SYNDIG1: variants seen among roughly 807,000 people sequenced by gnomAD.
The protein encoded by SYNDIG1 is synapse differentiation-inducing gene protein 1.
In SYNDIG1, 9 loss-of-function variants were observed where a neutral mutation model predicts 19.4. That is an observed-to-expected ratio of 0.46 (90% CI 0.28 to 0.81). The LOEUF is 0.81. Among genes scored for constraint, SYNDIG1 ranks in the 30% least tolerant of loss-of-function variants. The pLI is 0.12. For missense variants in SYNDIG1, 311 were observed against 343.3 expected (o/e 0.91, Z 0.74); for synonymous variants, 141 against 145.9 (o/e 0.97, Z 0.24).
At chr20:24,515,452 C>T (rs1308597155) in intron 1 of SYNDIG1, among the ~76,000 whole-genome samples, 1 of 151,940 alleles carries the variant, frequency 6.6e-6, no homozygotes, top group East Asian at 1.9e-4. Context: ...TCATCTCAGC[C>T]CAAAATCTCC....
At position 24,600,823 on chromosome 20, in the gene SYNDIG1, C is replaced by T. The variant is rs552415708; in HGVS notation, c.618+15830C>T. ...AAAGACGGAGTTTCACCATGTTGGC[C>T]AGGCTGGTCTTGAACTCCTGACCTC... is the stretch of plus-strand genomic sequence containing the variant. On this transcript the variant is annotated intron_variant, in intron 3 of 3. Coordinates refer to ENST00000376862, the MANE Select transcript of SYNDIG1 (RefSeq NM_024893.3). Among the ~76,000 whole-genome samples the T allele has an allele frequency of 2.3e-4, 35 of 152,218 alleles. 2 individuals carry two copies. The South Asian group carries it at 7.0e-3, about 31-fold the overall frequency.
Position 24,603,606 on chromosome 20 carries a change from A to T in SYNDIG1, c.618+18613A>T, listed in dbSNP as rs1033207680. 7.2e-5 allele frequency among the ~76,000 whole-genome samples: 11 copies of T among 152,290 alleles called. No homozygotes were observed. In the South Asian group the frequency reaches 2.1e-3, roughly 29 times the overall value. ...GGACACACGCCTGGGATGGCAGCGG[A>T]GGGTCAGAAGCCCTGAGTGCAAAGC... On this transcript the variant is annotated intron_variant, in intron 3 of 3. Transcript: ENST00000376862.
intron 3 of SYNDIG1, among the ~76,000 whole-genome samples, chr20:24,600,069 T>C (rs995031193): frequency 6.6e-6 from 1 of 152,236 alleles, no homozygotes; most frequent in Non-Finnish European, 1.5e-5. Context: ...AAAGTTATGC[T>C]ACAGTATACA....
At chr20:24,630,259 G>A (rs1277161314) in intron 3 of SYNDIG1, among the ~76,000 whole-genome samples, 3 of 152,138 alleles carry the variant, frequency 2.0e-5, no homozygotes, top group Admixed American at 6.5e-5. Context: ...GGAGTGGTCC[G>A]TGTTAAACAT....
intron 3 of SYNDIG1, among the ~76,000 whole-genome samples, chr20:24,592,489 A>G (rs1568668699): frequency 1.3e-5 from 2 of 152,184 alleles, no homozygotes; most frequent in African/African-American, 2.4e-5. Context: ...AGATCCAAAC[A>G]ATGCCAGCAG....
chr20:24,553,578 A>C (rs1268079884), intron 2 of SYNDIG1, among the ~76,000 whole-genome samples: 5 of 152,262 alleles, frequency 3.3e-5, no homozygotes, highest in South Asian at 2.1e-4. Flanking sequence ...ATCCTTCCCC[A>C]TTGCTTGTTT....
intron 3 of SYNDIG1, among the ~76,000 whole-genome samples, chr20:24,656,508 T>G (rs1181613512): frequency 2.0e-5 from 3 of 152,114 alleles, no homozygotes; most frequent in African/African-American, 7.2e-5. Flanking sequence ...TTGCAGAAGG[T>G]GGGCTGCTGG....
At chr20:24,539,309 C>T (rs377360092) in intron 1 of SYNDIG1, among the ~76,000 whole-genome samples, 1 of 152,098 alleles carries the variant, frequency 6.6e-6, no homozygotes, top group African/African-American at 2.4e-5. Flanking sequence ...CATTCTTTTG[C>T]ATGTGGATAT....
At chr20:24,633,674 T>C (rs1027988262) in intron 3 of SYNDIG1, among the ~76,000 whole-genome samples, 6 of 152,148 alleles carry the variant, frequency 3.9e-5, no homozygotes, top group African/African-American at 1.4e-4. Context: ...TCGTGAAGTC[T>C]CGTCAGCTCC....
chr20:24,469,955 T>G (rs1333817410), intron 1 of SYNDIG1, among the ~76,000 whole-genome samples: 11 of 148,986 alleles, frequency 7.4e-5, no homozygotes, highest in African/African-American at 2.5e-4. Flanking sequence ...GCGACGAGAC[T>G]TGGGAGACAC....
At chr20:24,625,208 G>GA (rs1347675719) in intron 3 of SYNDIG1, among the ~76,000 whole-genome samples, 1 of 151,988 alleles carries the variant, frequency 6.6e-6, no homozygotes. Context: ...TTATAAACGG[G>GA]AAAAATGTAG....
chr20:24,497,110 A>T (rs975123859), intron 1 of SYNDIG1, among the ~76,000 whole-genome samples: 1 of 152,216 alleles, frequency 6.6e-6, no homozygotes, highest in Non-Finnish European at 1.5e-5. Context: ...TTGAAATGAG[A>T]TGATTGATGT....
chr20:24,480,686 G>A (rs1192260305), intron 1 of SYNDIG1, among the ~76,000 whole-genome samples: 1 of 152,212 alleles, frequency 6.6e-6, no homozygotes, highest in Non-Finnish European at 1.5e-5. Context: ...CATTTTGATA[G>A]TAACATTATT....
chr20:24,627,586 C>G (rs1409146164), intron 3 of SYNDIG1, among the ~76,000 whole-genome samples: 1 of 152,234 alleles, frequency 6.6e-6, no homozygotes, highest in Non-Finnish European at 1.5e-5. Flanking sequence ...AAACATTCTC[C>G]GTAGTGCATC....
intron 2 of SYNDIG1, among the ~76,000 whole-genome samples, chr20:24,580,321 A>G (rs1217068458): frequency 6.6e-6 from 1 of 151,868 alleles, no homozygotes; most frequent in East Asian, 1.9e-4. Flanking sequence ...AACCATTTAT[A>G]CTCCAGAACA....
rs907416768 is a variant in SYNDIG1 at position 24,658,417 on chromosome 20, T to A, written c.619-6929T>A. Among the ~76,000 whole-genome samples, 1 of 151,934 alleles carries A rather than the reference T, an allele frequency of 6.6e-6. No individual in the cohort carries two copies. Among genetic ancestry groups the A allele is most frequent in the African/African-American group, 2.4e-5 (1 of 41,358 alleles). The stretch of plus-strand genomic sequence containing the variant: ...GCCGGTGCTCCTCCCCGTGACAGAT[T>A]CCACACAGGAGCTGCAGGCCGTGGA... On this transcript the variant is annotated intron_variant, in intron 3 of 3. Coordinates refer to ENST00000376862, the MANE Select transcript of SYNDIG1 (RefSeq NM_024893.3). This position sits in a 1 kb window ranked among gnomAD's most constrained non-coding sequence, Gnocchi z 4.4.
chr20:24,479,767 G>A (rs2055743727), intron 1 of SYNDIG1, among the ~76,000 whole-genome samples: 1 of 152,164 alleles, frequency 6.6e-6, no homozygotes, highest in Non-Finnish European at 1.5e-5. Context: ...AGGAGAGTGA[G>A]CTGTCTCAAG....
intron 3 of SYNDIG1, among the ~76,000 whole-genome samples, chr20:24,614,425 T>C (rs2058897765): frequency 6.6e-6 from 1 of 151,998 alleles, no homozygotes; most frequent in African/African-American, 2.4e-5. Context: ...TTGTAAAGAG[T>C]GAAGTAGGGA....
At chr20:24,625,297 T>C (rs1202562688) in intron 3 of SYNDIG1, among the ~76,000 whole-genome samples, 2 of 150,920 alleles carry the variant, frequency 1.3e-5, no homozygotes, top group African/African-American at 4.9e-5. Context: ...TTAATAAACC[T>C]CTAGCCAGGC....
Sources: allele counts gnomAD v4.1 joint callset (sites outside exome capture counted in the v4.1 genomes callset), GRCh38; gene constraint gnomAD v4.1.1; non-coding constraint Gnocchi (gnomAD v3.1); transcripts MANE v1.5; gene names NCBI Gene and HGNC (gene_info 2026-07-23, HGNC 2026-07-21).